SLC22A23: variants seen among roughly 807,000 people sequenced by gnomAD.
The protein encoded by SLC22A23 is ion transporter protein.
A neutral mutation model predicts 61.0 loss-of-function variants in SLC22A23; 26 were observed. The ratio of observed to expected loss-of-function variants is 0.43; its 90% CI spans 0.31 to 0.59. The LOEUF is 0.59. Among genes scored for constraint, SLC22A23 ranks in the 20% least tolerant of loss-of-function variants. The probability of loss-of-function intolerance (pLI) is 0.11; values close to 1 mark genes in which losing one functional copy is unlikely to be tolerated. For synonymous variants in SLC22A23, 430 were observed against 413.9 expected (o/e 1.04, Z -0.47); for missense variants, 796 against 934.7 (o/e 0.85, Z 1.94).
At chr6:3,445,384 AGACCAG>A (rs1224047358) in intron 1 of SLC22A23, among the ~76,000 whole-genome samples, 5 of 152,180 alleles carry the variant, frequency 3.3e-5, no homozygotes, top group African/African-American at 1.2e-4. Flanking sequence ...TTTTTAGTAG[AGACCAG>A]GGTTTCACCA....
chr6:3,323,179 T>TA (rs1380785098), intron 4 of SLC22A23: 1 of 452,236 alleles, frequency 2.2e-6, no homozygotes, highest in African/African-American at 2.0e-5. Context: ...CAAAAAGGCA[T>TA]ATTAGACTGA....
chr6:3,409,215 T>C (rs1052718095), intron 3 of SLC22A23, among the ~76,000 whole-genome samples: 1 of 152,216 alleles, frequency 6.6e-6, no homozygotes, highest in Non-Finnish European at 1.5e-5. Flanking sequence ...CAGTTAAACA[T>C]TGATGACAAA....
At chr6:3,397,991 G>C (rs1436460778) in intron 3 of SLC22A23, among the ~76,000 whole-genome samples, 1 of 152,236 alleles carries the variant, frequency 6.6e-6, no homozygotes, top group Non-Finnish European at 1.5e-5. Context: ...CATGTAGTGA[G>C]GGTAGTCACA....
At chr6:3,394,052 G>A (rs1273967876) in intron 3 of SLC22A23, among the ~76,000 whole-genome samples, 3 of 152,236 alleles carry the variant, frequency 2.0e-5, no homozygotes, top group East Asian at 3.8e-4. Flanking sequence ...CCCCTGCAGA[G>A]AACATGAAAT....
intron 4 of SLC22A23, among the ~76,000 whole-genome samples, chr6:3,301,455 C>T (rs992636397): frequency 2.0e-5 from 3 of 152,200 alleles, no homozygotes; most frequent in Admixed American, 1.3e-4. Context: ...CAAGCGATTT[C>T]GCAGGTAGTC....
chr6:3,434,240 G>A (rs1256757723), intron 1 of SLC22A23, among the ~76,000 whole-genome samples: 2 of 152,060 alleles, frequency 1.3e-5, no homozygotes, highest in East Asian at 3.9e-4. Flanking sequence ...TTGAACCCGG[G>A]ATGCGGAGAT....
intron 1 of SLC22A23, among the ~76,000 whole-genome samples, chr6:3,448,697 C>T (rs775625562): frequency 3.0e-4 from 45 of 152,128 alleles, no homozygotes; most frequent in East Asian, 3.9e-4. Flanking sequence ...GGTTTCACCA[C>T]GTTGGCCAGG....
At chr6:3,391,401 A>G (rs569825846) in intron 3 of SLC22A23, among the ~76,000 whole-genome samples, 2 of 152,358 alleles carry the variant, frequency 1.3e-5, no homozygotes, top group African/African-American at 2.4e-5. Context: ...CACTTGTGAT[A>G]TATCTCTAAT....
rs968515439 is a variant in SLC22A23 at position 3,286,458 on chromosome 6, G to A, written c.1546+401C>T. 2.6e-5 allele frequency among the ~76,000 whole-genome samples: 4 copies of A among 152,190 alleles called. No individual in the cohort carries two copies. Among genetic ancestry groups the A allele is most frequent in the African/African-American group, 4.8e-5 (2 of 41,454 alleles). On this transcript the variant is annotated intron_variant, in intron 7 of 9. Coordinates refer to ENST00000406686, the MANE Select transcript of SLC22A23 (RefSeq NM_015482.2). This position sits in a 1 kb window ranked among gnomAD's most constrained non-coding sequence, Gnocchi z 4.2. ...GGTCCAAAGAGAAGCTGATGAACTC[G>A]GGAACATCTGCTGAAAAGCAGGGCC...
intron 1 of SLC22A23, among the ~76,000 whole-genome samples, chr6:3,428,788 T>A (rs1037820749): frequency 7.9e-5 from 12 of 152,208 alleles, no homozygotes; most frequent in African/African-American, 2.9e-4. Context: ...CAGTTGAAGC[T>A]TTTTTTGAAG....
At chr6:3,311,476 C>T (rs1006758024) in intron 4 of SLC22A23, among the ~76,000 whole-genome samples, 9 of 152,182 alleles carry the variant, frequency 5.9e-5, no homozygotes, top group African/African-American at 2.2e-4. Flanking sequence ...TGGCTCAAAA[C>T]TTTTGCACAA....
chr6:3,380,832 C>T (rs950470841), intron 3 of SLC22A23, among the ~76,000 whole-genome samples: 1 of 151,990 alleles, frequency 6.6e-6, no homozygotes, highest in East Asian at 1.9e-4. Context: ...GTCATTGTCA[C>T]GTGGGGATGC....
In SLC22A23 at chr6:3,316,718, G is replaced by T. The variant is rs58591333; in HGVS notation, c.1082+7116C>A. 4.1e-4 allele frequency among the ~76,000 whole-genome samples: 62 copies of T among 152,314 alleles called. 1 individual carries two copies. In the East Asian group the frequency reaches 0.01, roughly 26 times the overall value. ...AGTGGTGCAATCATAGTTCACTGCA[G>T]CCTTGAACTCCTGAGCTCAAGTGAT... On this transcript the variant is annotated intron_variant, in intron 4 of 9. Transcript: ENST00000406686.
chr6:3,333,616 T>C lies in SLC22A23; in HGVS notation c.914-9614A>G, dbSNP rs896990579. On this transcript the variant is annotated intron_variant, in intron 3 of 9. Coordinates refer to ENST00000406686, the MANE Select transcript of SLC22A23 (RefSeq NM_015482.2). This position sits in a 1 kb window ranked among gnomAD's most constrained non-coding sequence, Gnocchi z 4.1. ...CCTTTTCTCAGGTCTCTAAGAGCCA[T>C]CTTGCCCAGAAGCTTTGCCCTGACC... 2.0e-5 allele frequency among the ~76,000 whole-genome samples: 3 copies of C among 152,200 alleles called. No individual in the cohort carries two copies. The highest frequency in any genetic ancestry group is 7.2e-5 in the African/African-American group (3 of 41,450).
Position 3,333,220 on chromosome 6 carries a change from T to C in SLC22A23, c.914-9218A>G, listed in dbSNP as rs1024923575. Among the ~76,000 whole-genome samples the C allele has an allele frequency of 6.6e-6, 1 of 152,214 alleles. No homozygotes were observed. The highest frequency in any genetic ancestry group is 2.4e-5 in the African/African-American group (1 of 41,460). ...TCCTTCACTGTATACTGTTTTCACC[T>C]TGAATTACTTTGGAAGGAAGAACTT... is the stretch of plus-strand genomic sequence containing the variant. On this transcript the variant is annotated intron_variant, in intron 3 of 9. Coordinates refer to ENST00000406686, the MANE Select transcript of SLC22A23 (RefSeq NM_015482.2). The surrounding 1 kb of genome is among the most constrained non-coding windows in gnomAD (Gnocchi z 4.1).
intron 3 of SLC22A23, among the ~76,000 whole-genome samples, chr6:3,347,400 C>T (rs1285425641): frequency 6.6e-6 from 1 of 152,122 alleles, no homozygotes; most frequent in East Asian, 1.9e-4. Flanking sequence ...CCTGAGCAAC[C>T]AACCCCCAAC....
chr6:3,368,877 G>A (rs954745719), intron 3 of SLC22A23, among the ~76,000 whole-genome samples: 1 of 152,156 alleles, frequency 6.6e-6, no homozygotes, highest in South Asian at 2.1e-4. Flanking sequence ...TGTTTAGGCT[G>A]TGCACCAGTT....
chr6:3,272,275 C>T lies in SLC22A23; in HGVS notation c.*780G>A, dbSNP rs1758523756. Reference sequence around the variant, plus strand: ...CAATCTGGGAGAGGAGGAATAAAAACGAGCACATCTCAGGTCTCGACGCAT... The same window carrying T: ...CAATCTGGGAGAGGAGGAATAAAAATGAGCACATCTCAGGTCTCGACGCAT... On this transcript the variant is annotated 3_prime_UTR_variant, in exon 10 of 10. Transcript: ENST00000406686. 1 of 152,740 alleles carries T rather than the reference C, an allele frequency of 6.5e-6. No individual in the cohort carries two copies. Among genetic ancestry groups the T allele is most frequent in the Non-Finnish European group, 1.5e-5 (1 of 68,044 alleles). 9.5% of individuals were successfully genotyped at this position (152,740 alleles called of 1,614,324 possible). A position where few individuals can be genotyped will look rare whatever the true frequency, so the allele number is the denominator to read the frequency against.
In SLC22A23 at chr6:3,329,017, ACTGCAGCAC is replaced by A. The variant is rs887132102; in HGVS notation, c.914-5024_914-5016del. On this transcript the variant is annotated intron_variant, in intron 3 of 9. Coordinates refer to ENST00000406686, the MANE Select transcript of SLC22A23 (RefSeq NM_015482.2). This position sits in a 1 kb window ranked among gnomAD's most constrained non-coding sequence, Gnocchi z 4.8. ...AGCTCAAGGGACCGTCTGTCAAAAC[ACTGCAGCAC>A]CCAGGGAGGAGCCCCAGGGAGCACG... Among the ~76,000 whole-genome samples, 1 of 152,032 alleles carries A rather than the reference ACTGCAGCAC, an allele frequency of 6.6e-6. No homozygotes were observed. Among genetic ancestry groups the A allele is most frequent in the Non-Finnish European group, 1.5e-5 (1 of 68,012 alleles).
Sources: allele counts gnomAD v4.1 joint callset (sites outside exome capture counted in the v4.1 genomes callset), GRCh38; gene constraint gnomAD v4.1.1; non-coding constraint Gnocchi (gnomAD v3.1); transcripts MANE v1.5; gene names NCBI Gene and HGNC (gene_info 2026-07-23, HGNC 2026-07-21).